The following UQCC1 variants were observed in gnomAD, a reference collection of about 807,000 sequenced individuals.
UQCC1 encodes bFGF-repressed Zic-binding protein.
UQCC1 carries 38 observed loss-of-function variants against 48.0 expected under a neutral mutation model. The observed-to-expected ratio is 0.79, with a 90% CI of 0.61 to 1.04. The LOEUF is 1.04. Ranked by LOEUF, UQCC1 falls within the 50% of genes least tolerant of loss-of-function variation. The pLI is 0.00. For synonymous variants in UQCC1, 111 were observed against 129.2 expected (o/e 0.86, Z 0.95); for missense variants, 368 against 381.8 (o/e 0.96, Z 0.30).
At chr20:35,309,782 A>G (rs961507865) in intron 8 of UQCC1, among the ~76,000 whole-genome samples, 2 of 152,194 alleles carry the variant, frequency 1.3e-5, no homozygotes, top group South Asian at 2.1e-4. Context: ...GCAGAGTTCC[A>G]CTCAGTGAAG....
intron 7 of UQCC1, among the ~76,000 whole-genome samples, chr20:35,331,714 A>T (rs993666754): frequency 6.6e-6 from 1 of 152,224 alleles, no homozygotes; most frequent in Non-Finnish European, 1.5e-5. Flanking sequence ...AGTGCCTGCT[A>T]TGTGCCTTAC....
At chr20:35,382,724 A>G (rs6142367) in intron 3 of UQCC1, among the ~76,000 whole-genome samples, 78,998 of 151,146 alleles carry the variant, frequency 0.52, 22,277 homozygotes, top group East Asian at 0.71. Flanking sequence ...GTTAGCCAGG[A>G]TGGTCTAGAT....
chr20:35,400,106 G>A (rs1221155089), intron 1 of UQCC1, among the ~76,000 whole-genome samples: 8 of 151,482 alleles, frequency 5.3e-5, no homozygotes, highest in East Asian at 2.0e-4. Context: ...TTGTATTTTC[G>A]GTAGAGGCGG....
chr20:35,385,859 T>A (rs1430358921), intron 2 of UQCC1, among the ~76,000 whole-genome samples: 27 of 151,524 alleles, frequency 1.8e-4, no homozygotes, highest in African/African-American at 6.5e-4. Context: ...TTTTTTTTTT[T>A]TAACAGCAGT....
At chr20:35,399,483 C>A (rs1247785898) in intron 1 of UQCC1, among the ~76,000 whole-genome samples, 2 of 152,292 alleles carry the variant, frequency 1.3e-5, no homozygotes, top group Non-Finnish European at 2.9e-5. Flanking sequence ...CTTCACTCCA[C>A]ACATGCTAAT....
chr20:35,410,704 C>CAAAAAAAAAAAAAAAAAAA lies in UQCC1; in HGVS notation c.24+1217_24+1235dup, dbSNP rs1183843739. 8.1e-3 allele frequency among the ~76,000 whole-genome samples: 22 copies of CAAAAAAAAAAAAAAAAAAA among 2,710 alleles called. 8 individuals carry two copies. The highest frequency in any genetic ancestry group is 0.013 in the African/African-American group (10 of 784). The allele number at this position is 2,710 out of a possible 152,430, so 1.8% of individuals were successfully genotyped here. A position where few individuals can be genotyped will look rare whatever the true frequency, so the allele number is the denominator to read the frequency against. ...TCGGCGACAGAGCAAGACTCTGCCT[C>CAAAAAAAAAAAAAAAAAAA]AAAAAAAAAAAAAAAAAAAACAAAA... is the stretch of plus-strand genomic sequence containing the variant. On this transcript the variant is annotated intron_variant, in intron 1 of 9. Coordinates refer to ENST00000374385, the MANE Select transcript of UQCC1 (RefSeq NM_018244.5).
At chr20:35,384,571 G>T in intron 2 of UQCC1, 1 of 439,518 alleles carries the variant, frequency 2.3e-6, no homozygotes, top group Non-Finnish European at 4.5e-6. Flanking sequence ...GAGCCCAGAA[G>T]ATCGAGGCTG....
At chr20:35,340,572 A>G (rs896618330) in intron 7 of UQCC1, among the ~76,000 whole-genome samples, 3 of 151,806 alleles carry the variant, frequency 2.0e-5, no homozygotes, top group African/African-American at 7.3e-5. Flanking sequence ...GCAACATCAA[A>G]CTCCCTGGCC....
At chr20:35,394,029 T>C (rs1168207475) in intron 2 of UQCC1, 63 bp downstream of exon 2, 2 of 1,496,928 alleles carry the variant, frequency 1.3e-6, no homozygotes, top group East Asian at 2.3e-5. Flanking sequence ...AATCTATAAA[T>C]ACATGACATT....
chr20:35,362,905 AG>A (rs2061622368), intron 6 of UQCC1, among the ~76,000 whole-genome samples: 1 of 152,050 alleles, frequency 6.6e-6, no homozygotes, highest in South Asian at 2.1e-4. Context: ...AGAAAATATC[AG>A]GGGTTCCCTC....
chr20:35,386,239 A>G, intron 2 of UQCC1: 1 of 393,706 alleles, frequency 2.5e-6, no homozygotes, highest in Non-Finnish European at 4.9e-6. Flanking sequence ...CAAAAAAAAA[A>G]AAATCTAGTT....
At chr20:35,358,231 G>C (rs1227866715) in intron 6 of UQCC1, among the ~76,000 whole-genome samples, 1 of 151,572 alleles carries the variant, frequency 6.6e-6, no homozygotes, top group East Asian at 1.9e-4. Context: ...GCAGGTGCCT[G>C]TGGTCCCAGC....
chr20:35,381,856 C>A (rs954291927), intron 4 of UQCC1, 62 bp downstream of exon 4: 48 of 976,180 alleles, frequency 4.9e-5, no homozygotes, highest in Non-Finnish European at 7.1e-5. Context: ...TTTAAAAAAT[C>A]TATTAGGAGC....
chr20:35,381,288 A>G (rs1357755276), intron 4 of UQCC1, among the ~76,000 whole-genome samples: 2 of 152,194 alleles, frequency 1.3e-5, no homozygotes, highest in Admixed American at 1.3e-4. Context: ...CCCTTATAAA[A>G]TATGGGTCCA....
At chr20:35,392,694 T>A (rs1454973050) in intron 2 of UQCC1, among the ~76,000 whole-genome samples, 1 of 152,166 alleles carries the variant, frequency 6.6e-6, no homozygotes, top group African/African-American at 2.4e-5. Context: ...GTGACTACTC[T>A]GTGCCAGGCA....
intron 1 of UQCC1, among the ~76,000 whole-genome samples, chr20:35,397,282 G>A (rs545329856): frequency 5.3e-5 from 8 of 151,616 alleles, no homozygotes; most frequent in South Asian, 2.1e-4. Flanking sequence ...TTGGGAGGCC[G>A]AGGCTGGCGG....
At chr20:35,406,760 CAAG>C in intron 1 of UQCC1, among the ~76,000 whole-genome samples, 1 of 152,066 alleles carries the variant, frequency 6.6e-6, no homozygotes, top group Non-Finnish European at 1.5e-5. Flanking sequence ...AAGACAACTA[CAAG>C]AAGAAATAAT....
chr20:35,322,993 G>A (rs983776630), intron 7 of UQCC1, among the ~76,000 whole-genome samples: 3 of 151,962 alleles, frequency 2.0e-5, no homozygotes, highest in African/African-American at 4.8e-5. Context: ...GACTACAGGC[G>A]CCTACCACCA....
At chr20:35,384,425 G>T in intron 2 of UQCC1, 2 of 341,108 alleles carry the variant, frequency 5.9e-6, no homozygotes, top group Non-Finnish European at 1.1e-5. Flanking sequence ...AGGATTGCTT[G>T]AGGCCAGAGT....
Sources: allele counts gnomAD v4.1 joint callset (sites outside exome capture counted in the v4.1 genomes callset), GRCh38; gene constraint gnomAD v4.1.1; transcripts MANE v1.5; gene names NCBI Gene and HGNC (gene_info 2026-07-23, HGNC 2026-07-21).